DCBLD2: variants seen among roughly 807,000 people sequenced by gnomAD.
The protein encoded by DCBLD2 is discoidin, CUB and LCCL domain containing 2, also known as discoidin, CUB and LCCL domain-containing protein 2.
In DCBLD2, 54 loss-of-function variants were observed where a neutral mutation model predicts 86.8. The observed-to-expected ratio is 0.62, with a 90% CI of 0.50 to 0.78. The LOEUF (loss-of-function observed/expected upper bound fraction) is 0.78. Among genes scored for constraint, DCBLD2 ranks in the 30% least tolerant of loss-of-function variants. DCBLD2 has a pLI of 0.00. For missense variants in DCBLD2, 908 were observed against 954.2 expected (o/e 0.95, Z 0.64); for synonymous variants, 354 against 341.3 (o/e 1.04, Z -0.41).
chr3:98,891,469 G>C (rs1002665824), intron 1 of DCBLD2, among the ~76,000 whole-genome samples: 5 of 151,932 alleles, frequency 3.3e-5, no homozygotes, highest in African/African-American at 1.2e-4. Context: ...TCTCTAATAG[G>C]TTTCCCCACT....
At chr3:98,838,081 G>A (rs913831165) in intron 3 of DCBLD2, among the ~76,000 whole-genome samples, 2 of 138,650 alleles carry the variant, frequency 1.4e-5, no homozygotes, top group Non-Finnish European at 3.2e-5. Flanking sequence ...CGGCACGGCT[G>A]GCCAGGCCGG....
In DCBLD2 at chr3:98,868,766, C is replaced by A. The variant is rs1943207024; in HGVS notation, c.433+12774G>T. On this transcript the variant is annotated intron_variant, in intron 2 of 15. Transcript: ENST00000326840. ...ATGATCCCCAGTTCTATCCAAGGAGCTGCGAAGACATTATTTCATTCTTTT... is the reference window on the plus strand; with the variant it reads ...ATGATCCCCAGTTCTATCCAAGGAGATGCGAAGACATTATTTCATTCTTTT... 2.0e-5 allele frequency among the ~76,000 whole-genome samples: 3 copies of A among 152,156 alleles called. 1 individual carries two copies. Among genetic ancestry groups the A allele is most frequent in the Admixed American group, 2.0e-4 (3 of 15,262 alleles).
rs561448707 is a variant in DCBLD2, at chr3:98,866,995, T to C, written c.433+14545A>G. On this transcript the variant is annotated intron_variant, in intron 2 of 15. Coordinates refer to ENST00000326840, the MANE Select transcript of DCBLD2 (RefSeq NM_080927.4). The stretch of plus-strand genomic sequence containing the variant: ...TCCCCATTTCTTGTTTTTGTCAGGT[T>C]TGTCAAAGATCAGATGGTTGTAGAT... Among the ~76,000 whole-genome samples the C allele has an allele frequency of 2.0e-5, 3 of 152,354 alleles. No individual in the cohort carries two copies. In the South Asian group the frequency reaches 6.2e-4, roughly 32 times the overall value.
chr3:98,832,834 T>C (rs1302505396), intron 3 of DCBLD2, among the ~76,000 whole-genome samples: 1 of 152,206 alleles, frequency 6.6e-6, no homozygotes. Flanking sequence ...CCTTTGTTGG[T>C]GATCTGCCCT....
intron 2 of DCBLD2, among the ~76,000 whole-genome samples, chr3:98,872,534 T>C (rs993722018): frequency 1.3e-5 from 2 of 152,202 alleles, no homozygotes; most frequent in Non-Finnish European, 2.9e-5. Context: ...TCAGTTATTC[T>C]GTCGTAGCCA....
At chr3:98,844,063 C>CACACACAG (rs71124005) in intron 3 of DCBLD2, among the ~76,000 whole-genome samples, 1 of 142,904 alleles carries the variant, frequency 7.0e-6, no homozygotes, top group Non-Finnish European at 1.5e-5. Context: ...CACACACACA[C>CACACACAG]CCCAATTATG....
intron 2 of DCBLD2, among the ~76,000 whole-genome samples, chr3:98,879,832 A>T (rs1159390222): frequency 6.6e-6 from 1 of 152,104 alleles, no homozygotes; most frequent in African/African-American, 2.4e-5. Flanking sequence ...TCATATCCTT[A>T]ATTTAGTCCT....
intron 2 of DCBLD2, among the ~76,000 whole-genome samples, chr3:98,865,914 C>G (rs1336135260): frequency 3.4e-5 from 5 of 145,654 alleles, no homozygotes; most frequent in Non-Finnish European, 6.0e-5. Flanking sequence ...CTGTGTCCAA[C>G]TGTTCTCATT....
chr3:98,842,060 A>AT (rs1418803264), intron 3 of DCBLD2, among the ~76,000 whole-genome samples: 1 of 152,212 alleles, frequency 6.6e-6, no homozygotes, highest in Non-Finnish European at 1.5e-5. Flanking sequence ...GCAAGACTCC[A>AT]TCTCAAAAAA....
intron 3 of DCBLD2, among the ~76,000 whole-genome samples, chr3:98,831,040 A>C (rs564661393): frequency 6.7e-6 from 1 of 149,296 alleles, no homozygotes; most frequent in Admixed American, 6.7e-5. Context: ...TCTTGGCTTG[A>C]CTGTTTTTGG....
At chr3:98,842,451 A>T (rs775498390) in intron 3 of DCBLD2, among the ~76,000 whole-genome samples, 8 of 152,230 alleles carry the variant, frequency 5.3e-5, no homozygotes, top group African/African-American at 1.4e-4. Context: ...TTACATATAT[A>T]GTATAGTACA....
intron 13 of DCBLD2, among the ~76,000 whole-genome samples, chr3:98,807,426 C>T (rs1219673932): frequency 6.6e-6 from 1 of 152,172 alleles, no homozygotes; most frequent in East Asian, 1.9e-4. Flanking sequence ...GCGTGTTTAT[C>T]CCTTCCACCA....
chr3:98,806,364 G>C (rs1268530245), intron 13 of DCBLD2, among the ~76,000 whole-genome samples: 1 of 152,138 alleles, frequency 6.6e-6, no homozygotes, highest in Non-Finnish European at 1.5e-5. Context: ...ATAAAAATTA[G>C]CTTCTGCTGC....
intron 1 of DCBLD2, among the ~76,000 whole-genome samples, chr3:98,885,392 AAAGGG>A (rs1943543314): frequency 2.0e-5 from 3 of 150,394 alleles, no homozygotes; most frequent in African/African-American, 7.4e-5. Context: ...CTCCAGTTCA[AAAGGG>A]AAGGCTAGAC....
chr3:98,836,656 T>G (rs1301080128), intron 3 of DCBLD2, among the ~76,000 whole-genome samples: 1 of 122,448 alleles, frequency 8.2e-6, no homozygotes, highest in East Asian at 2.1e-4. Flanking sequence ...GCTCCTCACT[T>G]CCCAGTAGGG....
intron 2 of DCBLD2, among the ~76,000 whole-genome samples, chr3:98,869,400 G>A (rs1943218008): frequency 6.6e-6 from 1 of 152,146 alleles, no homozygotes; most frequent in South Asian, 2.1e-4. Flanking sequence ...TAGGTTCTCT[G>A]TTTACTCTGC....
chr3:98,811,277 C>T lies in DCBLD2; in HGVS notation c.1493G>A (p.Ser498Asn). Residue 498 changes from serine (S) to asparagine (N), a missense_variant, in exon 12 of 16, where the codon AGC becomes AAC. By Grantham distance (46) the Ser-to-Asn change is conservative. Around this residue, in one of 3 missense-constraint regions of DCBLD2, gnomAD observed 606 missense variants for 678.5 expected, o/e 0.89. Transcript: ENST00000326840. The part of the protein sequence containing the change: ...KFTQPLQPRS[S>N]NEFPAQTEQT... ...TTCTGTCTGTGCAGGAAATTCATTGCTACTGCGAGGTTGTAGTGGTTGCGT... is the reference window on the plus strand; with the variant it reads ...TTCTGTCTGTGCAGGAAATTCATTGTTACTGCGAGGTTGTAGTGGTTGCGT... The T allele has an allele frequency of 6.2e-7, 1 of 1,612,954 alleles. No homozygotes were observed. Among genetic ancestry groups the T allele is most frequent in the Non-Finnish European group, 8.5e-7 (1 of 1,179,474 alleles).
At chr3:98,877,202 T>C (rs1943387460) in intron 2 of DCBLD2, among the ~76,000 whole-genome samples, 1 of 152,076 alleles carries the variant, frequency 6.6e-6, no homozygotes, top group African/African-American at 2.4e-5. Flanking sequence ...AAACCTATAA[T>C]GGAAGATGAA....
intron 1 of DCBLD2, chr3:98,890,410 A>G (rs557455623): frequency 6.6e-6 from 1 of 152,222 alleles, no homozygotes; most frequent in South Asian, 2.1e-4. Context: ...CTTAGGAAAG[A>G]GCATGGCCCT....
Sources: allele counts gnomAD v4.1 joint callset (sites outside exome capture counted in the v4.1 genomes callset), GRCh38; gene constraint gnomAD v4.1.1; regional missense constraint gnomAD v4.1.1; transcripts MANE v1.5; gene names NCBI Gene and HGNC (gene_info 2026-07-23, HGNC 2026-07-21).